Variants in THADA observed in about 807,000 individuals in gnomAD.
The protein encoded by THADA is THADA armadillo repeat containing, also known as tRNA (32-2'-O)-methyltransferase regulator THADA.
THADA carries 213 observed loss-of-function variants against 219.8 expected under a neutral mutation model. The ratio of observed to expected loss-of-function variants is 0.97; its 90% confidence interval spans 0.87 to 1.09. THADA has a LOEUF of 1.09. Among genes scored for constraint, THADA ranks in the 50% least tolerant of loss-of-function variants. The pLI is 0.00. For synonymous variants in THADA, 1,018 were observed against 828.9 expected (o/e 1.23, Z -3.92); for missense variants, 2,956 against 2,311.3 (o/e 1.28, Z -5.72).
chr2:43,361,678 T>C (rs1293601874), intron 29 of THADA, among the ~76,000 whole-genome samples: 2 of 152,268 alleles, frequency 1.3e-5, no homozygotes, highest in Non-Finnish European at 2.9e-5. Flanking sequence ...TCCCAGAAAC[T>C]GTGCTTTCTG....
intron 29 of THADA, among the ~76,000 whole-genome samples, chr2:43,364,749 C>T (rs1009051800): frequency 1.3e-5 from 2 of 152,136 alleles, no homozygotes; most frequent in African/African-American, 2.4e-5. Context: ...ATATCAAGGC[C>T]CTAGGGCAGG....
At chr2:43,554,070 A>T (rs147071159) in intron 17 of THADA, among the ~76,000 whole-genome samples, 4 of 152,092 alleles carry the variant, frequency 2.6e-5, no homozygotes, top group Admixed American at 1.3e-4. Context: ...GGCTTTTTCA[A>T]TTTCTTAATG....
At chr2:43,454,521 G>C (rs115375878) in intron 26 of THADA, among the ~76,000 whole-genome samples, 2,087 of 152,060 alleles carry the variant, frequency 0.014, 44 homozygotes, top group South Asian at 0.12. Flanking sequence ...AACATCTCTT[G>C]AGCCCAAGAG....
rs1697355207 is a variant in THADA, at chr2:43,556,436, T to A, written c.2583A>T (p.Leu861=). ...TTAAGTAGGCAGACAAGGATGACGG[T>A]AGAGCATCCTGCCAGATTAAGAAGT... ...LLNFLIWQDA[L]PSSLSAYLTQ... is the part of the protein sequence containing the mutation. Residue 861 remains leucine, a synonymous_variant, in exon 17 of 38, where the codon CTA becomes CTT. Transcript: ENST00000405975. The A allele has an allele frequency of 2.5e-6, 4 of 1,613,846 alleles. No individual in the cohort carries two copies. The highest frequency in any genetic ancestry group is 2.5e-6 in the Non-Finnish European group (3 of 1,179,822).
intron 29 of THADA, among the ~76,000 whole-genome samples, chr2:43,346,410 C>T (rs1042323935): frequency 1.1e-4 from 16 of 152,106 alleles, no homozygotes; most frequent in African/African-American, 2.4e-4. Flanking sequence ...TCAGGAGCTC[C>T]GGCAGCTCCC....
chr2:43,370,704 A>C (rs1037545214), intron 29 of THADA, among the ~76,000 whole-genome samples: 6 of 152,234 alleles, frequency 3.9e-5, no homozygotes, highest in African/African-American at 1.4e-4. Flanking sequence ...GGTGTATCAC[A>C]GCTATGTTCA....
intron 26 of THADA, among the ~76,000 whole-genome samples, chr2:43,465,992 C>G (rs1684184692): frequency 6.6e-6 from 1 of 152,170 alleles, no homozygotes; most frequent in African/African-American, 2.4e-5. Context: ...TTCCTCTTCC[C>G]TGGCCCCCTT....
chr2:43,525,155 C>T (rs918406285), intron 22 of THADA, among the ~76,000 whole-genome samples: 1 of 152,190 alleles, frequency 6.6e-6, no homozygotes, highest in Admixed American at 6.5e-5. Flanking sequence ...CCTCTTTCAA[C>T]TTCCTTTGTT....
intron 8 of THADA, 104 bp downstream of exon 8, chr2:43,581,637 T>C (rs1200611890): frequency 1.7e-5 from 16 of 946,964 alleles, no homozygotes; most frequent in Admixed American, 2.8e-5. Flanking sequence ...ACATTCCACA[T>C]CTCAGTTAAG....
chr2:43,291,389 G>A (rs1487024401), intron 34 of THADA, among the ~76,000 whole-genome samples: 2 of 139,982 alleles, frequency 1.4e-5, no homozygotes, highest in African/African-American at 2.7e-5. Context: ...GGGAGGCAAA[G>A]GTAGCAGTGA....
In THADA at chr2:43,566,798, G is replaced by A; in HGVS notation, c.2211C>T (p.Asn737=). 6.8e-7 allele frequency: 1 copy of A among 1,461,078 alleles called. No homozygotes were observed. Among genetic ancestry groups the A allele is most frequent in the Non-Finnish European group, 9.1e-7 (1 of 1,103,910 alleles). 90.5% of individuals were successfully genotyped at this position (1,461,078 alleles called of 1,614,324 possible). A position where few individuals can be genotyped will look rare whatever the true frequency, so the allele number is the denominator to read the frequency against. Residue 737 remains asparagine (N), a synonymous_variant, in exon 15 of 38, where the codon AAC becomes AAT. Coordinates refer to ENST00000405975, the MANE Select transcript of THADA (RefSeq NM_022065.5). The stretch of plus-strand genomic sequence containing the variant: ...CAGGAAACAATGCTTCAAAAAGACT[G>A]TTACAAATGGATGACATGAAATTCT... The part of the protein sequence containing the change: ...QYKNFMSSIC[N]SLFEALFPGS...
chr2:43,396,995 G>GT (rs1254283177), intron 29 of THADA, among the ~76,000 whole-genome samples: 1 of 152,074 alleles, frequency 6.6e-6, no homozygotes, highest in African/African-American at 2.4e-5. Flanking sequence ...TAAGCATGTT[G>GT]TATGTATTAA....
chr2:43,535,933 T>C (rs1190931875), intron 21 of THADA, among the ~76,000 whole-genome samples: 1 of 151,816 alleles, frequency 6.6e-6, no homozygotes. Context: ...GCCTCTCGAG[T>C]GGCTGGGACT....
intron 36 of THADA, among the ~76,000 whole-genome samples, chr2:43,260,485 A>T (rs184176043): frequency 1.3e-4 from 20 of 152,286 alleles, no homozygotes; most frequent in Non-Finnish European, 2.6e-4. Flanking sequence ...TATTGCCTGA[A>T]GTCCCACCTA....
intron 30 of THADA, among the ~76,000 whole-genome samples, chr2:43,342,097 C>T (rs545461847): frequency 1.3e-5 from 2 of 152,236 alleles, no homozygotes; most frequent in South Asian, 4.2e-4. Flanking sequence ...TGCCTGTAGT[C>T]CCAGCTGCTC....
intron 28 of THADA, among the ~76,000 whole-genome samples, chr2:43,417,971 A>T (rs1390538197): frequency 1.3e-5 from 2 of 152,220 alleles, no homozygotes; most frequent in Non-Finnish European, 2.9e-5. Flanking sequence ...CTTATAGTAA[A>T]CATTTGCTAA....
At chr2:43,439,713 A>G (rs1680599007) in intron 26 of THADA, among the ~76,000 whole-genome samples, 1 of 152,216 alleles carries the variant, frequency 6.6e-6, no homozygotes, top group African/African-American at 2.4e-5. Context: ...AGGAAAAAAT[A>G]TAGTGTATAT....
intron 24 of THADA, among the ~76,000 whole-genome samples, chr2:43,504,767 C>G (rs966733995): frequency 6.6e-6 from 1 of 152,142 alleles, no homozygotes; most frequent in Non-Finnish European, 1.5e-5. Flanking sequence ...GCCTGTAATT[C>G]CAGCTACTGA....
intron 23 of THADA, 118 bp downstream of exon 23, chr2:43,508,530 T>G: frequency 9.9e-7 from 1 of 1,014,716 alleles, no homozygotes; most frequent in East Asian, 2.7e-5. Flanking sequence ...GCTATGGTGC[T>G]GAAAAGACAG....
Sources: gnomAD v4.1 joint callset for allele counts (sites outside exome capture counted in the v4.1 genomes callset) on GRCh38, gnomAD v4.1.1 for gene constraint, MANE v1.5 for transcripts, NCBI Gene and HGNC (gene_info 2026-07-23, HGNC 2026-07-21) for gene names.